Variants in DPT observed in about 807,000 individuals in gnomAD.
DPT encodes tyrosine-rich acidic matrix protein.
DPT carries 21 observed loss-of-function variants against 31.2 expected under a neutral mutation model. The ratio of observed to expected loss-of-function variants is 0.67; its 90% CI spans 0.48 to 0.97. The LOEUF (loss-of-function observed/expected upper bound fraction) is 0.97. DPT is among the 50% of genes least tolerant of loss of function. DPT has a pLI of 0.00. For synonymous variants in DPT, 91 were observed against 86.9 expected (o/e 1.05, Z -0.26); for missense variants, 262 against 258.8 (o/e 1.01, Z -0.08).
At chr1:168,699,635 G>T in intron 3 of DPT, among the ~76,000 whole-genome samples, 1 of 147,538 alleles carries the variant, frequency 6.8e-6, no homozygotes. Flanking sequence ...TATTAAATAA[G>T]TTCACTTTAT....
chr1:168,701,818 T>C (rs971855837), intron 2 of DPT, among the ~76,000 whole-genome samples: 2 of 152,214 alleles, frequency 1.3e-5, no homozygotes, highest in African/African-American at 4.8e-5. Flanking sequence ...GGAAAGTCAA[T>C]GAATCTGTTT....
chr1:168,727,331 A>G (rs986579791), intron 1 of DPT, among the ~76,000 whole-genome samples: 2 of 152,168 alleles, frequency 1.3e-5, no homozygotes, highest in Admixed American at 6.5e-5. Context: ...TGTTTTGAGC[A>G]TTACACGAGA....
In DPT at chr1:168,696,114, G is replaced by A. The variant is rs115998406; in HGVS notation, c.*435C>T. 900 of 403,216 alleles carry A rather than the reference G, an allele frequency of 2.2e-3. 7 individuals are homozygous for A. Among genetic ancestry groups the A allele is most frequent in the African/African-American group, 0.016 (774 of 48,774 alleles). 25.0% of individuals were successfully genotyped at this position (403,216 alleles called of 1,614,324 possible). ...AGCCTGCTTTTGGTGGGGAACCTAC[G>A]TATCATTCAAACAGGCTTAGCTGTA... On this transcript the variant is annotated 3_prime_UTR_variant, in exon 4 of 4. Coordinates refer to ENST00000367817, the MANE Select transcript of DPT (RefSeq NM_001937.5).
intron 1 of DPT, among the ~76,000 whole-genome samples, chr1:168,726,354 T>C (rs996198507): frequency 1.3e-5 from 2 of 152,232 alleles, no homozygotes; most frequent in African/African-American, 4.8e-5. Context: ...CCAGTCACAG[T>C]TGGCAAGTTT....
intron 2 of DPT, 30 bp downstream of exon 2, chr1:168,714,191 C>G: frequency 6.2e-7 from 1 of 1,613,862 alleles, no homozygotes; most frequent in Non-Finnish European, 8.5e-7. Context: ...CCCCAGGAGT[C>G]ATGAGGGTTT....
intron 1 of DPT, among the ~76,000 whole-genome samples, chr1:168,715,641 A>G (rs1264437423): frequency 2.0e-5 from 3 of 152,220 alleles, no homozygotes; most frequent in African/African-American, 7.2e-5. Context: ...TCAAATAAAC[A>G]TTTCTTCTGC....
At chr1:168,702,881 G>C (rs1649634275) in intron 2 of DPT, among the ~76,000 whole-genome samples, 1 of 152,052 alleles carries the variant, frequency 6.6e-6, no homozygotes, top group African/African-American at 2.4e-5. Flanking sequence ...CAAAGTGCCG[G>C]GATTACATGT....
intron 1 of DPT, among the ~76,000 whole-genome samples, chr1:168,727,201 T>C (rs662154): frequency 0.14 from 20,981 of 152,246 alleles, 1,612 homozygotes; most frequent in Middle Eastern, 0.19. Context: ...AGCCCGTCAC[T>C]GTGGCAAAGT....
At chr1:168,719,669 G>A (rs1650057961) in intron 1 of DPT, among the ~76,000 whole-genome samples, 1 of 151,880 alleles carries the variant, frequency 6.6e-6, no homozygotes, top group African/African-American at 2.4e-5. Flanking sequence ...TCACCAATAC[G>A]ATGGCTAATA....
At chr1:168,702,425 G>T (rs1222650533) in intron 2 of DPT, among the ~76,000 whole-genome samples, 1 of 152,092 alleles carries the variant, frequency 6.6e-6, no homozygotes, top group African/African-American at 2.4e-5. Context: ...ACTAACCCTT[G>T]TTCTCTGATT....
intron 2 of DPT, among the ~76,000 whole-genome samples, chr1:168,705,961 C>T (rs924235878): frequency 6.6e-6 from 1 of 152,094 alleles, no homozygotes; most frequent in African/African-American, 2.4e-5. Context: ...CTTGCTCCTC[C>T]TTGCCTTCCA....
intron 2 of DPT, among the ~76,000 whole-genome samples, chr1:168,707,608 G>A (rs993449533): frequency 6.6e-6 from 1 of 152,148 alleles, no homozygotes; most frequent in Admixed American, 6.5e-5. Flanking sequence ...CCAACCAAAT[G>A]TCACCTTGAA....
At chr1:168,702,174 T>C (rs889341229) in intron 2 of DPT, among the ~76,000 whole-genome samples, 3 of 152,196 alleles carry the variant, frequency 2.0e-5, no homozygotes, top group African/African-American at 7.2e-5. Flanking sequence ...GGAAAACAAC[T>C]AGTTTGTGAG....
At position 168,710,631 on chromosome 1, in the gene DPT, A is replaced by G. The variant is rs192860731; in HGVS notation, c.431+3590T>C. Among the ~76,000 whole-genome samples the G allele has an allele frequency of 7.9e-5, 12 of 152,260 alleles. No individual in the cohort carries two copies. In the East Asian group the frequency reaches 1.9e-3, roughly 24 times the overall value. On this transcript the variant is annotated intron_variant, in intron 2 of 3. Transcript: ENST00000367817. ...ACATATATGTCTATATGATCATTAC[A>G]TTTTTAGCATCTTAGCTGGTGAATT...
At position 168,695,524 on chromosome 1, in the gene DPT, C is replaced by CAGG. The variant is rs1649444120; in HGVS notation, c.*1022_*1024dup. On this transcript the variant is annotated 3_prime_UTR_variant, in exon 4 of 4. Transcript: ENST00000367817. Reference sequence around the variant, plus strand: ...AATGAAGAGTACAAATGGTTGGGAGCAGGACATCACAGGAGGAGGAAAGAT... The same window carrying CAGG: ...AATGAAGAGTACAAATGGTTGGGAGCAGGAGGACATCACAGGAGGAGGAAAGAT... 1 of 152,130 alleles carries CAGG rather than the reference C, an allele frequency of 6.6e-6. No individual in the cohort carries two copies. The highest frequency in any genetic ancestry group is 1.5e-5 in the Non-Finnish European group (1 of 68,036). 9.4% of individuals were successfully genotyped at this position (152,130 alleles called of 1,614,324 possible).
Position 168,696,679 on chromosome 1 carries a change from C to T in DPT, c.540-64G>A. On this transcript the variant is annotated intron_variant, in intron 3 of 3. Coordinates refer to ENST00000367817, the MANE Select transcript of DPT (RefSeq NM_001937.5). ...AAGGACATGGCAGGAAGAATCGCTG[C>T]TGGGGAAACAGCAGCAGAGAACATT... 2.1e-6 allele frequency: 3 copies of T among 1,426,918 alleles called. 1 individual carries two copies. The highest frequency in any genetic ancestry group is 2.4e-5 in the South Asian group (2 of 84,572). The allele number at this position is 1,426,918 out of a possible 1,614,324, so 88.4% of individuals were successfully genotyped here.
intron 1 of DPT, among the ~76,000 whole-genome samples, chr1:168,728,530 T>A (rs1275306291): frequency 6.6e-6 from 1 of 152,234 alleles, no homozygotes; most frequent in East Asian, 1.9e-4. Context: ...TTTATTACTT[T>A]CAGTTTCTGT....
At chr1:168,715,620 A>G (rs1282790576) in intron 1 of DPT, among the ~76,000 whole-genome samples, 16 of 152,394 alleles carry the variant, frequency 1.0e-4, no homozygotes, top group Non-Finnish European at 4.4e-5. Context: ...AGCACAATGT[A>G]TTGACGAATT....
chr1:168,699,446 G>A (rs1455313803), intron 3 of DPT, among the ~76,000 whole-genome samples: 1 of 152,028 alleles, frequency 6.6e-6, no homozygotes, highest in Non-Finnish European at 1.5e-5. Context: ...TAGAAAATTG[G>A]TAACTAAGCT....
Sources: allele counts gnomAD v4.1 joint callset (sites outside exome capture counted in the v4.1 genomes callset), GRCh38; gene constraint gnomAD v4.1.1; transcripts MANE v1.5; gene names NCBI Gene and HGNC (gene_info 2026-07-23, HGNC 2026-07-21).